The following TRIT1 variants were observed in gnomAD, a reference collection of about 807,000 sequenced individuals.
TRIT1 encodes the protein tRNA isopentenyltransferase 1.
Under a neutral mutation model 51.2 loss-of-function variants are expected in TRIT1, and 43 were observed. That is an observed-to-expected ratio of 0.84 (90% CI 0.66 to 1.08). TRIT1 has a LOEUF of 1.08. Ranked by LOEUF, TRIT1 falls within the 50% of genes least tolerant of loss-of-function variation. The pLI, the probability that TRIT1 is intolerant of heterozygous loss-of-function variation, is 0.00. For synonymous variants in TRIT1, 184 were observed against 203.9 expected (o/e 0.90, Z 0.83); for missense variants, 528 against 578.4 (o/e 0.91, Z 0.89).
intron 2 of TRIT1, 46 bp downstream of exon 2, chr1:39,857,231 G>C (rs1355871549): frequency 2.6e-6 from 4 of 1,554,272 alleles, no homozygotes; most frequent in Non-Finnish European, 3.5e-6. Flanking sequence ...CTTGGCTTGG[G>C]CTGCTTTCAC....
chr1:39,858,150 G>T (rs917396828), intron 1 of TRIT1, among the ~76,000 whole-genome samples: 7 of 152,200 alleles, frequency 4.6e-5, no homozygotes, highest in Middle Eastern at 3.2e-3. Flanking sequence ...AAATAGGGAT[G>T]AATACTTTGA....
In TRIT1 at chr1:39,841,830, G is replaced by A; in HGVS notation, c.1318C>T (p.Gln440Ter). 6.2e-7 allele frequency: 1 copy of A among 1,614,056 alleles called. No homozygotes were observed. Among genetic ancestry groups the A allele is most frequent in the Non-Finnish European group, 8.5e-7 (1 of 1,179,972 alleles). ...TTGTTATGGTCTGGGGAAACACTCT[G>A]ACTTTCTATGGTGTTGACAGCATCT... ...DSDAVNTIES[Q>*]SVSPDHNKEP... The change falls in exon 11 of 11, where the codon CAG becomes TAG. Residue 440 changes from glutamine to a stop codon, truncating the protein, a stop_gained. Coordinates refer to ENST00000316891, the MANE Select transcript of TRIT1 (RefSeq NM_017646.6). LOFTEE classifies it low-confidence loss of function (END_TRUNC).
At chr1:39,870,183 T>C (rs1407062696) in intron 1 of TRIT1, among the ~76,000 whole-genome samples, 2 of 152,198 alleles carry the variant, frequency 1.3e-5, no homozygotes. Context: ...TCTTCTGCCT[T>C]GGGATGCTGT....
Position 39,841,840 on chromosome 1 carries a change from G to A in TRIT1, c.1308C>T (p.Thr436=), listed in dbSNP as rs1161605093. ...RRRLDSDAVN[T]IESQSVSPDH... is the part of the protein sequence containing the mutation. ...CTGGGGAAACACTCTGACTTTCTAT[G>A]GTGTTGACAGCATCTGAGTCCAATC... Residue 436 remains threonine, a synonymous_variant, in exon 11 of 11, where the codon ACC becomes ACT. Transcript: ENST00000316891. 2 of 1,614,032 alleles carry A rather than the reference G, an allele frequency of 1.2e-6. No homozygotes were observed. The highest frequency in any genetic ancestry group is 1.7e-6 in the Non-Finnish European group (2 of 1,179,968).
intron 1 of TRIT1, 27 bp downstream of exon 1, chr1:39,883,291 G>T: frequency 6.3e-7 from 1 of 1,584,876 alleles, no homozygotes; most frequent in Non-Finnish European, 8.6e-7. Context: ...GGGTCCCCAG[G>T]CGCCCGGGCC....
intron 1 of TRIT1, among the ~76,000 whole-genome samples, chr1:39,880,571 C>T (rs950417337): frequency 5.9e-5 from 9 of 151,984 alleles, no homozygotes; most frequent in African/African-American, 9.7e-5. Context: ...GAGGCCAAGG[C>T]GGGCGGATCA....
At chr1:39,879,872 C>CAAAAAA (rs11406062) in intron 1 of TRIT1, among the ~76,000 whole-genome samples, 1 of 49,156 alleles carries the variant, frequency 2.0e-5, no homozygotes, top group Non-Finnish European at 3.6e-5. Context: ...AACTCCATCT[C>CAAAAAA]AAAAAAAAAA....
At position 39,844,190 on chromosome 1, in the gene TRIT1, T is replaced by C. The variant is rs755646032; in HGVS notation, c.1145A>G (p.Lys382Arg). ...GTTCTCAGCTTCATTGTATGGCATCTTTATTGGAGTGGCTGTAGGCTTGTG... is the reference window on the plus strand; with the variant it reads ...GTTCTCAGCTTCATTGTATGGCATCCTTATTGGAGTGGCTGTAGGCTTGTG... Reference protein sequence around the residue: ...QGHKPTATPIKMPYNEAENKR... With the variant: ...QGHKPTATPIRMPYNEAENKR... Residue 382 changes from lysine (K) to arginine (R), a missense_variant, in exon 10 of 11, where the codon AAG becomes AGG. Lys to Arg is a conservative substitution (Grantham distance 26). Around this residue, in one of 3 missense-constraint regions of TRIT1, gnomAD observed 468 missense variants for 522.6 expected, o/e 0.90. Coordinates refer to ENST00000316891, the MANE Select transcript of TRIT1 (RefSeq NM_017646.6). 1 of 1,614,180 alleles carries C rather than the reference T, an allele frequency of 6.2e-7. No homozygotes were observed. Among genetic ancestry groups the C allele is most frequent in the East Asian group, 2.2e-5 (1 of 44,886 alleles).
rs112395793 is a variant in TRIT1, at chr1:39,840,466, T to C, written c.*1278A>G. Among the ~76,000 whole-genome samples the C allele has an allele frequency of 3.8e-4, 58 of 152,330 alleles. No individual in the cohort carries two copies. Among genetic ancestry groups the C allele is most frequent in the African/African-American group, 1.4e-3 (58 of 41,574 alleles). ...CCCTTCCCTTCCTTCTAAACTGAAA[T>C]TCTACACAGCTCTTACGGCCTTTGA... On this transcript the variant is annotated 3_prime_UTR_variant, in exon 11 of 11. Coordinates refer to ENST00000316891, the MANE Select transcript of TRIT1 (RefSeq NM_017646.6).
intron 1 of TRIT1, among the ~76,000 whole-genome samples, chr1:39,859,279 A>G (rs1458076137): frequency 7.0e-6 from 1 of 143,442 alleles, no homozygotes; most frequent in East Asian, 3.0e-4. Flanking sequence ...AAAAAAAAAA[A>G]AAAAAAAAAA....
chr1:39,857,332 T>C lies in TRIT1; in HGVS notation c.260A>G (p.Asp87Gly). 7 of 1,614,100 alleles carry C rather than the reference T, an allele frequency of 4.3e-6. No homozygotes were observed. Among genetic ancestry groups the C allele is most frequent in the Non-Finnish European group, 5.9e-6 (7 of 1,179,990 alleles). Residue 87 changes from aspartate to glycine, a missense_variant, in exon 2 of 11, where the codon GAT (aspartate) becomes GGT (glycine). Coordinates refer to ENST00000316891, the MANE Select transcript of TRIT1 (RefSeq NM_017646.6). ...ICRHHMISFVDPLVTNYTVVD... is the reference protein window; with the variant it reads ...ICRHHMISFVGPLVTNYTVVD... ...CACTGTGTAATTGGTCACAAGAGGA[T>C]CCACAAAGCTGATCATGTGGTGCCG...
intron 1 of TRIT1, among the ~76,000 whole-genome samples, chr1:39,861,986 A>G (rs1226452629): frequency 3.3e-5 from 5 of 152,074 alleles, no homozygotes; most frequent in Non-Finnish European, 5.9e-5. Flanking sequence ...ATCCTACAAC[A>G]TGGATAACCT....
At chr1:39,862,988 A>AT in intron 1 of TRIT1, 3 of 982,324 alleles carry the variant, frequency 3.1e-6, no homozygotes, top group Non-Finnish European at 3.6e-6. Flanking sequence ...CACAAACCAT[A>AT]TTTTGACAAC....
In TRIT1 at chr1:39,847,994, C is replaced by T. The variant is rs781497494; in HGVS notation, c.807G>A (p.Ser269=). ...AACAGCCAAATCCTCACCTATTTTC[C>T]GAAACATTCTTCTGATTATAGCGTC... ...FHRRYNQKNV[S]ENSQDYQHGI... The change falls in exon 6 of 11, where the codon TCG becomes TCA. Residue 269 remains serine (S), a synonymous_variant. Transcript: ENST00000316891. 31 of 1,613,766 alleles carry T rather than the reference C, an allele frequency of 1.9e-5. No homozygotes were observed. Among genetic ancestry groups the T allele is most frequent in the East Asian group, 4.5e-5 (2 of 44,890 alleles).
intron 1 of TRIT1, among the ~76,000 whole-genome samples, chr1:39,863,119 C>A (rs774220867): frequency 6.6e-6 from 1 of 152,272 alleles, no homozygotes; most frequent in East Asian, 1.9e-4. Flanking sequence ...ATTTACTAAG[C>A]GTCTACTATG....
chr1:39,863,120 G>T (rs367714162), intron 1 of TRIT1, among the ~76,000 whole-genome samples: 1 of 152,230 alleles, frequency 6.6e-6, no homozygotes, highest in African/African-American at 2.4e-5. Flanking sequence ...TTTACTAAGC[G>T]TCTACTATGT....
At chr1:39,852,688 T>C in intron 4 of TRIT1, 43 bp downstream of exon 4, 1 of 1,599,488 alleles carries the variant, frequency 6.3e-7, no homozygotes. Context: ...GACTGCTCTC[T>C]AGTTGTAAAG....
At chr1:39,863,762 AAG>A (rs1643378255) in intron 1 of TRIT1, among the ~76,000 whole-genome samples, 1 of 151,964 alleles carries the variant, frequency 6.6e-6, no homozygotes, top group African/African-American at 2.4e-5. Context: ...GAAAAAAAAA[AAG>A]AGATATGAAA....
Position 39,850,195 on chromosome 1 carries a change from T to A in TRIT1, c.627A>T (p.Glu209Asp). The A allele has an allele frequency of 6.2e-7, 1 of 1,614,182 alleles. No homozygotes were observed. Among genetic ancestry groups the A allele is most frequent in the Non-Finnish European group, 8.5e-7 (1 of 1,180,030 alleles). ...HSEFLHRQHT[E>D]EGGGPLGGPL... ...GACCTCCAAGGGGACCACCACCTTC[T>A]TCCGTATGTTGACGATGGAGAAATT... Residue 209 changes from glutamate to aspartate, a missense_variant, in exon 5 of 11, where the codon GAA (glutamate) becomes GAT (aspartate). By Grantham distance (45) the Glu-to-Asp change is conservative. Coordinates refer to ENST00000316891, the MANE Select transcript of TRIT1 (RefSeq NM_017646.6).
Sources: gnomAD v4.1 joint callset for allele counts (sites outside exome capture counted in the v4.1 genomes callset) on GRCh38, gnomAD v4.1.1 for gene constraint, gnomAD v4.1.1 regional missense constraint, MANE v1.5 for transcripts, NCBI Gene and HGNC (gene_info 2026-07-23, HGNC 2026-07-21) for gene names.